CTDSPL: variants seen among roughly 807,000 people sequenced by gnomAD.
CTDSPL encodes CTD small phosphatase like.
Under a neutral mutation model 30.5 loss-of-function variants are expected in CTDSPL, and 8 were observed. The observed-to-expected ratio is 0.26, with a 90% CI of 0.15 to 0.47. CTDSPL has a LOEUF of 0.47. Among genes scored for constraint, CTDSPL ranks in the 20% least tolerant of loss-of-function variants. CTDSPL has a pLI of 0.99. For missense variants in CTDSPL, 248 were observed against 366.1 expected (o/e 0.68, Z 2.63); for synonymous variants, 110 against 137.9 (o/e 0.80, Z 1.42).
chr3:37,978,877 G>A (rs143742446), intron 7 of CTDSPL, among the ~76,000 whole-genome samples: 2 of 152,264 alleles, frequency 1.3e-5, no homozygotes, highest in East Asian at 1.9e-4. Context: ...ACAGGGCAGA[G>A]CTAAAAATGA....
At chr3:37,966,189 C>T (rs1371742877) in intron 4 of CTDSPL, among the ~76,000 whole-genome samples, 3 of 152,222 alleles carry the variant, frequency 2.0e-5, no homozygotes, top group African/African-American at 4.8e-5. Flanking sequence ...AGCACCTGCT[C>T]GGAGAGCATT....
intron 1 of CTDSPL, among the ~76,000 whole-genome samples, chr3:37,912,482 A>G (rs2125606488): frequency 6.6e-6 from 1 of 152,268 alleles, no homozygotes; most frequent in East Asian, 1.9e-4. Flanking sequence ...AGATGACCAC[A>G]CGAGGCTGAG....
Position 37,893,525 on chromosome 3 carries a change from T to C in CTDSPL, c.79+31247T>C, listed in dbSNP as rs372219818. On this transcript the variant is annotated intron_variant, in intron 1 of 7. Transcript: ENST00000273179. ...ACTCAATCTCAACCTTTGCAGTTAATTCTCCAACTCGAATGTGTCCTTTCA... is the reference window on the plus strand; with the variant it reads ...ACTCAATCTCAACCTTTGCAGTTAACTCTCCAACTCGAATGTGTCCTTTCA... Among the ~76,000 whole-genome samples the C allele has an allele frequency of 4.6e-5, 7 of 152,342 alleles. No homozygotes were observed. The South Asian group carries it at 1.2e-3, about 27-fold the overall frequency.
intron 3 of CTDSPL, among the ~76,000 whole-genome samples, chr3:37,960,172 C>A (rs1446775146): frequency 6.6e-6 from 1 of 152,022 alleles, no homozygotes; most frequent in Admixed American, 6.6e-5. Flanking sequence ...ATGGAGAAAC[C>A]CCATCTCTAC....
At chr3:37,945,554 T>G (rs1424864207) in intron 1 of CTDSPL, among the ~76,000 whole-genome samples, 1 of 152,246 alleles carries the variant, frequency 6.6e-6, no homozygotes, top group Non-Finnish European at 1.5e-5. Context: ...ACACTGCCAC[T>G]TAGGTGGCCC....
At chr3:37,946,576 A>G (rs1170100610) in intron 1 of CTDSPL, among the ~76,000 whole-genome samples, 3 of 152,156 alleles carry the variant, frequency 2.0e-5, no homozygotes, top group African/African-American at 7.2e-5. Flanking sequence ...AGTCATTTCC[A>G]TAGTGAGCAG....
At chr3:37,956,434 A>G (rs1699174338) in intron 2 of CTDSPL, among the ~76,000 whole-genome samples, 1 of 152,228 alleles carries the variant, frequency 6.6e-6, no homozygotes, top group Non-Finnish European at 1.5e-5. Flanking sequence ...TTTCTTAACA[A>G]TGCTATAATG....
At chr3:37,959,969 C>A (rs979933048) in intron 3 of CTDSPL, among the ~76,000 whole-genome samples, 1 of 133,496 alleles carries the variant, frequency 7.5e-6, no homozygotes. Context: ...TTGGAGAGGC[C>A]GAGGAGGGCA....
rs375757556 is a variant in CTDSPL, at chr3:37,976,824, C to G, written c.705+930C>G. Among the ~76,000 whole-genome samples, 27 of 152,166 alleles carry G rather than the reference C, an allele frequency of 1.8e-4. No individual in the cohort carries two copies. The South Asian group carries it at 5.6e-3, about 32-fold the overall frequency. On this transcript the variant is annotated intron_variant, in intron 7 of 7. Transcript: ENST00000273179. ...CTCTCAGGGCAAGAAGGACTGCCTT[C>G]CTGCCTGCTGCCTGACACTTCCAGG...
rs753461762 is a variant in CTDSPL, at chr3:37,943,016, A to T, written c.80-4041A>T. Among the ~76,000 whole-genome samples the T allele has an allele frequency of 6.0e-5, 9 of 150,332 alleles. 1 individual carries two copies. Among genetic ancestry groups the T allele is most frequent in the Non-Finnish European group, 1.2e-4 (8 of 67,072 alleles). On this transcript the variant is annotated intron_variant, in intron 1 of 7. Coordinates refer to ENST00000273179, the MANE Select transcript of CTDSPL (RefSeq NM_001008392.2). ...GGGCAGGGACAAGGAGTTGCTAAGG[A>T]TATATTTAAGAATCGATTAGGATGT... is the stretch of plus-strand genomic sequence containing the variant.
intron 2 of CTDSPL, 44 bp from the exon 3 acceptor site, chr3:37,957,064 ATCT>A: frequency 1.3e-6 from 2 of 1,525,136 alleles, no homozygotes; most frequent in Non-Finnish European, 1.8e-6. Context: ...TGAGAATATG[ATCT>A]TCTCTTCGAA....
intron 1 of CTDSPL, among the ~76,000 whole-genome samples, chr3:37,921,962 G>A (rs1170413330): frequency 3.3e-5 from 5 of 152,184 alleles, no homozygotes; most frequent in African/African-American, 7.2e-5. Context: ...GGCCAGGCGC[G>A]GTGGCTCACG....
Position 37,984,348 on chromosome 3 carries a change from A to T in CTDSPL, c.*3481A>T. The T allele has an allele frequency of 2.2e-6, 1 of 455,630 alleles. No homozygotes were observed. The highest frequency in any genetic ancestry group is 4.4e-6 in the Non-Finnish European group (1 of 226,194). 28.2% of individuals were successfully genotyped at this position (455,630 alleles called of 1,614,324 possible). Reference sequence around the variant, plus strand: ...TCTGCTGGACATTTGAATGTGATAAACAATCCAGCATTACTTAGGAAATGC... The same window carrying T: ...TCTGCTGGACATTTGAATGTGATAATCAATCCAGCATTACTTAGGAAATGC... On this transcript the variant is annotated 3_prime_UTR_variant, in exon 8 of 8. Transcript: ENST00000273179.
chr3:37,972,734 C>T (rs2125634217), intron 6 of CTDSPL, among the ~76,000 whole-genome samples: 1 of 152,348 alleles, frequency 6.6e-6, no homozygotes, highest in African/African-American at 2.4e-5. Context: ...GGCCTTGCTT[C>T]TCCCAGGAGA....
intron 1 of CTDSPL, among the ~76,000 whole-genome samples, chr3:37,930,104 C>T (rs1212067575): frequency 4.6e-5 from 6 of 129,932 alleles, no homozygotes; most frequent in African/African-American, 2.1e-4. Flanking sequence ...GAGACTCCGT[C>T]TCAAAAAAAA....
At chr3:37,883,807 G>T (rs1275781451) in intron 1 of CTDSPL, among the ~76,000 whole-genome samples, 1 of 152,038 alleles carries the variant, frequency 6.6e-6, no homozygotes, top group African/African-American at 2.4e-5. Context: ...TCTTGTATTT[G>T]TTTTGACAAG....
chr3:37,867,885 GT>G (rs1698029638), intron 1 of CTDSPL, among the ~76,000 whole-genome samples: 1 of 152,046 alleles, frequency 6.6e-6, no homozygotes. Flanking sequence ...ACACATTTAT[GT>G]TTGTATAGCC....
rs1699510569 is a variant in CTDSPL, at chr3:37,983,054, A to C, written c.*2187A>C. Reference sequence around the variant, plus strand: ...ACGATGGAGTGAAGACACTTGGCAGACTTGAGCCAGACACTTCACCTAGTA... The same window carrying C: ...ACGATGGAGTGAAGACACTTGGCAGCCTTGAGCCAGACACTTCACCTAGTA... On this transcript the variant is annotated 3_prime_UTR_variant, in exon 8 of 8. Coordinates refer to ENST00000273179, the MANE Select transcript of CTDSPL (RefSeq NM_001008392.2). The C allele has an allele frequency of 5.5e-6, 1 of 181,312 alleles. No individual in the cohort carries two copies. Among genetic ancestry groups the C allele is most frequent in the Admixed American group, 5.6e-5 (1 of 17,728 alleles). The allele number at this position is 181,312 out of a possible 1,614,324, so 11.2% of individuals were successfully genotyped here. A position where few individuals can be genotyped will look rare whatever the true frequency, so the allele number is the denominator to read the frequency against.
intron 6 of CTDSPL, among the ~76,000 whole-genome samples, chr3:37,974,383 G>T (rs1699401903): frequency 6.6e-6 from 1 of 152,230 alleles, no homozygotes; most frequent in African/African-American, 2.4e-5. Flanking sequence ...GCTGGCACTT[G>T]CTCTGCACTC....
Sources: gnomAD v4.1 joint callset for allele counts (sites outside exome capture counted in the v4.1 genomes callset) on GRCh38, gnomAD v4.1.1 for gene constraint, MANE v1.5 for transcripts, NCBI Gene and HGNC (gene_info 2026-07-23, HGNC 2026-07-21) for gene names.